The following KCNN1 variants were observed in gnomAD, a reference collection of about 807,000 sequenced individuals.
KCNN1 encodes potassium calcium-activated channel subfamily N member 1.
KCNN1 carries 20 observed loss-of-function variants against 44.7 expected under a neutral mutation model. That is an observed-to-expected ratio of 0.45 (90% CI 0.32 to 0.65). The LOEUF is 0.65. KCNN1 is among the 30% of genes least tolerant of loss of function. The probability of loss-of-function intolerance (pLI) is 0.05; values close to 1 mark genes in which losing one functional copy is unlikely to be tolerated. For synonymous variants in KCNN1, 324 were observed against 341.7 expected (o/e 0.95, Z 0.57); for missense variants, 632 against 785.3 (o/e 0.80, Z 2.33).
At chr19:17,990,810 A>AG (rs2032766016) in intron 7 of KCNN1, among the ~76,000 whole-genome samples, 1 of 151,414 alleles carries the variant, frequency 6.6e-6, no homozygotes, top group Non-Finnish European at 1.5e-5. Context: ...AAAAAAAAAA[A>AG]AAAAGAAAGA....
At chr19:17,979,807 T>G (rs1288218057) in intron 3 of KCNN1, among the ~76,000 whole-genome samples, 1 of 152,086 alleles carries the variant, frequency 6.6e-6, no homozygotes, top group Non-Finnish European at 1.5e-5. Flanking sequence ...TTTTTTTCTT[T>G]TTCTTATTTT....
intron 2 of KCNN1, among the ~76,000 whole-genome samples, chr19:17,960,496 G>C (rs527843042): frequency 6.6e-6 from 1 of 152,202 alleles, no homozygotes; most frequent in African/African-American, 2.4e-5. Flanking sequence ...CAGGCGTGGT[G>C]GTGGGTGCCT....
At chr19:17,963,153 G>A (rs1213579420), upstream of KCNN1, among the ~76,000 whole-genome samples, 2 of 149,964 alleles carry the variant, frequency 1.3e-5, no homozygotes, top group Non-Finnish European at 3.0e-5. Context: ...GATTACAGGC[G>A]CCCGCCACCA....
At chr19:17,959,000 CTATTTATTTATT>C (rs35942195) in intron 2 of KCNN1, among the ~76,000 whole-genome samples, 4 of 143,400 alleles carry the variant, frequency 2.8e-5, no homozygotes, top group African/African-American at 7.8e-5. Flanking sequence ...ACGTCCAGCC[CTATTTATTTATT>C]TATTTATTTA....
intron 2 of KCNN1, among the ~76,000 whole-genome samples, chr19:17,956,922 C>G (rs1223416950): frequency 6.6e-6 from 1 of 151,582 alleles, no homozygotes; most frequent in African/African-American, 2.4e-5. Context: ...GTCGGGAGTG[C>G]CTGTAATCCT....
chr19:17,973,582 C>A (rs1201306706), intron 1 of KCNN1, among the ~76,000 whole-genome samples: 1 of 152,086 alleles, frequency 6.6e-6, no homozygotes, highest in Non-Finnish European at 1.5e-5. Context: ...ATGCCCGGCT[C>A]TCTGGGGTTG....
In KCNN1 at chr19:17,993,413, G is replaced by A; in HGVS notation, c.1308-77G>A. The A allele has an allele frequency of 9.3e-7, 1 of 1,077,366 alleles. No homozygotes were observed. Among genetic ancestry groups the A allele is most frequent in the Non-Finnish European group, 1.4e-6 (1 of 710,652 alleles). 66.7% of individuals were successfully genotyped at this position (1,077,366 alleles called of 1,614,324 possible). On this transcript the variant is annotated intron_variant, in intron 8 of 9. Transcript: ENST00000684775. This position sits in a 1 kb window ranked among gnomAD's most constrained non-coding sequence, Gnocchi z 4.5. ...GTCCCATAGGTGACCCCGGGTGGGTGCATGAAAGTCCCTGCCCCCACTGCA... is the reference window on the plus strand; with the variant it reads ...GTCCCATAGGTGACCCCGGGTGGGTACATGAAAGTCCCTGCCCCCACTGCA...
chr19:17,967,253 G>C lies in KCNN1; in HGVS notation c.-146G>C. The stretch of plus-strand genomic sequence containing the variant: ...CCCCGGCTCCGGCTCCCGACTGGGG[G>C]TCCGCGGCCGCGCGGGACCCTCTCC... On this transcript the variant is annotated 5_prime_UTR_variant, in exon 1 of 10. Transcript: ENST00000684775. 2.0e-6 allele frequency: 2 copies of C among 984,976 alleles called. No homozygotes were observed. Among genetic ancestry groups the C allele is most frequent in the Non-Finnish European group, 2.4e-6 (2 of 829,564 alleles). The allele number at this position is 984,976 out of a possible 1,614,324, so 61.0% of individuals were successfully genotyped here.
Position 17,993,135 on chromosome 19 carries a change from C to G in KCNN1, c.1307+73C>G. 1 of 1,581,344 alleles carries G rather than the reference C, an allele frequency of 6.3e-7. No individual in the cohort carries two copies. The highest frequency in any genetic ancestry group is 1.3e-5 in the African/African-American group (1 of 74,410). On this transcript the variant is annotated intron_variant, in intron 8 of 9. Coordinates refer to ENST00000684775, the MANE Select transcript of KCNN1 (RefSeq NM_001386974.1). The surrounding 1 kb of genome is among the most constrained non-coding windows in gnomAD (Gnocchi z 4.5). ...ATGGTGGTCACAGACAGGGGGTACA[C>G]CCGGGGCATGCCAACCCCAGCCTCA...
upstream of KCNN1, among the ~76,000 whole-genome samples, chr19:17,965,738 T>C (rs200444360): frequency 1.0e-5 from 1 of 99,234 alleles, no homozygotes; most frequent in South Asian, 3.3e-4. Flanking sequence ...AACAGCCCCC[T>C]GTTACAGATC....
intron 9 of KCNN1, among the ~76,000 whole-genome samples, chr19:17,995,093 C>T (rs2032936666): frequency 6.6e-6 from 1 of 152,082 alleles, no homozygotes; most frequent in African/African-American, 2.4e-5. Context: ...GCATTTTGGA[C>T]TCACTTCCTC....
intron 2 of KCNN1, among the ~76,000 whole-genome samples, chr19:17,959,161 A>T (rs2031618852): frequency 1.3e-5 from 2 of 150,084 alleles, no homozygotes; most frequent in South Asian, 4.2e-4. Context: ...AGTAGCTGGG[A>T]TTATACGCGT....
Position 17,998,118 on chromosome 19 carries a change from G to T in KCNN1, c.1378-34G>T. On this transcript the variant is annotated intron_variant, in intron 9 of 9. Transcript: ENST00000684775. This position sits in a 1 kb window ranked among gnomAD's most constrained non-coding sequence, Gnocchi z 5.4. ...TCGTCCTTTCCTCTCTCACTCAGCG[G>T]CGCCTCTCTCCTGCCCCTCTCTGTC... 7 of 1,540,886 alleles carry T rather than the reference G, an allele frequency of 4.5e-6. No homozygotes were observed. Among genetic ancestry groups the T allele is most frequent in the Non-Finnish European group, 6.1e-6 (7 of 1,144,206 alleles).
intron 1 of KCNN1, among the ~76,000 whole-genome samples, chr19:17,951,570 C>A (rs2031408619): frequency 6.6e-6 from 1 of 152,196 alleles, no homozygotes; most frequent in African/African-American, 2.4e-5. Context: ...GTGACCTTCA[C>A]AACTCTGCCA....
intron 2 of KCNN1, among the ~76,000 whole-genome samples, chr19:17,961,185 CAA>C (rs202142379): frequency 3.4e-4 from 31 of 91,360 alleles, no homozygotes; most frequent in Middle Eastern, 5.4e-3. Context: ...GACTCTGACT[CAA>C]AAAAAAAAAA....
chr19:17,986,094 G>A (rs2032584718), intron 5 of KCNN1, among the ~76,000 whole-genome samples: 1 of 152,102 alleles, frequency 6.6e-6, no homozygotes, highest in East Asian at 1.9e-4. Context: ...AGCCGGGAGT[G>A]GTGGCTCACA....
rs2032474725 is a variant in KCNN1, at chr19:17,983,038, G to T, written c.917+911G>T. The stretch of plus-strand genomic sequence containing the variant: ...CAAAAAAAAAAAAGACAAATAAATG[G>T]GTCTGGGATGAAGGAAAACCGGCCG... On this transcript the variant is annotated intron_variant, in intron 4 of 9. Transcript: ENST00000684775. The surrounding 1 kb of genome is among the most constrained non-coding windows in gnomAD (Gnocchi z 4.5). Among the ~76,000 whole-genome samples the T allele has an allele frequency of 6.6e-6, 1 of 152,032 alleles. No individual in the cohort carries two copies. Among genetic ancestry groups the T allele is most frequent in the Non-Finnish European group, 1.5e-5 (1 of 67,996 alleles).
rs771738002 is a variant in KCNN1 at position 17,985,305 on chromosome 19, C to T, written c.918-7C>T. 4 of 1,585,640 alleles carry T rather than the reference C, an allele frequency of 2.5e-6. No individual in the cohort carries two copies. Among genetic ancestry groups the T allele is most frequent in the Admixed American group, 3.4e-5 (2 of 58,264 alleles). On this transcript the variant is annotated splice_region_variant and splice_polypyrimidine_tract_variant and intron_variant, in intron 4 of 9. Coordinates refer to ENST00000684775, the MANE Select transcript of KCNN1 (RefSeq NM_001386974.1). ...AGCCCTCCCTCTTCCCACTCTGGCT[C>T]CCCCAGGTACCACGACAAGCAGGAA...
At chr19:17,975,307 G>A in intron 3 of KCNN1, 120 bp downstream of exon 3, 1 of 648,732 alleles carries the variant, frequency 1.5e-6, no homozygotes, top group Admixed American at 2.8e-5. Context: ...GCTTCTGATA[G>A]AAAAAAGATC....
Sources: allele counts gnomAD v4.1 joint callset (sites outside exome capture counted in the v4.1 genomes callset), GRCh38; gene constraint gnomAD v4.1.1; non-coding constraint Gnocchi (gnomAD v3.1); transcripts MANE v1.5; gene names NCBI Gene and HGNC (gene_info 2026-07-23, HGNC 2026-07-21).